Variants in SYN2 observed in about 807,000 individuals in gnomAD.
The protein encoded by SYN2 is synapsin II, also known as synapsin-2.
In SYN2, 19 loss-of-function variants were observed where a neutral mutation model predicts 50.9. The ratio of observed to expected loss-of-function variants is 0.37; its 90% CI spans 0.26 to 0.55. The LOEUF (loss-of-function observed/expected upper bound fraction) is 0.55. SYN2 is among the 20% of genes least tolerant of loss of function. The pLI, the probability that SYN2 is intolerant of heterozygous loss-of-function variation, is 0.81. For synonymous variants in SYN2, 255 were observed against 224.9 expected (o/e 1.13, Z -1.20); for missense variants, 587 against 576.4 (o/e 1.02, Z -0.19).
intron 1 of SYN2, among the ~76,000 whole-genome samples, chr3:12,061,452 T>C (rs1695111331): frequency 6.6e-6 from 1 of 152,128 alleles, no homozygotes; most frequent in South Asian, 2.1e-4. Context: ...TTGTACTTAA[T>C]GGTAAGAAAC....
intron 1 of SYN2, among the ~76,000 whole-genome samples, chr3:12,038,370 TG>T (rs1252647786): frequency 6.6e-6 from 1 of 152,244 alleles, no homozygotes; most frequent in South Asian, 2.1e-4. Context: ...CTAACTTTGT[TG>T]TTTTTTAAAA....
chr3:12,025,245 A>G (rs1049013372), intron 1 of SYN2, among the ~76,000 whole-genome samples: 6 of 152,130 alleles, frequency 3.9e-5, no homozygotes, highest in East Asian at 1.9e-4. Context: ...CGTCATCACA[A>G]TGGGGGATTA....
At chr3:12,039,284 G>T (rs1053460786) in intron 1 of SYN2, among the ~76,000 whole-genome samples, 5 of 151,936 alleles carry the variant, frequency 3.3e-5, no homozygotes, top group Non-Finnish European at 7.4e-5. Context: ...TTTATCTATT[G>T]CTAGGTTTGG....
At chr3:12,077,489 T>C (rs1348474290) in intron 1 of SYN2, among the ~76,000 whole-genome samples, 1 of 151,910 alleles carries the variant, frequency 6.6e-6, no homozygotes, top group Middle Eastern at 3.2e-3. Flanking sequence ...CAAATCCTGA[T>C]AGGCCCCAGT....
At chr3:12,175,359 C>T (rs138319103) in intron 10 of SYN2, among the ~76,000 whole-genome samples, 8 of 152,280 alleles carry the variant, frequency 5.3e-5, no homozygotes, top group Non-Finnish European at 1.0e-4. Context: ...GGATGTGAAC[C>T]GAGGAACATT....
chr3:12,087,924 A>G (rs1161439465), intron 1 of SYN2, among the ~76,000 whole-genome samples: 1 of 152,168 alleles, frequency 6.6e-6, no homozygotes. Flanking sequence ...ATATAAAAAA[A>G]AAACCCCTCA....
intron 3 of SYN2, among the ~76,000 whole-genome samples, chr3:12,144,040 G>A (rs927310999): frequency 6.6e-6 from 1 of 152,188 alleles, no homozygotes; most frequent in African/African-American, 2.4e-5. Flanking sequence ...AACCAAGTAG[G>A]TCATTGTATA....
intron 4 of SYN2, 90 bp from the exon 5 acceptor site, chr3:12,151,147 C>G (rs984073208): frequency 1.4e-5 from 13 of 917,368 alleles, no homozygotes; most frequent in Non-Finnish European, 2.1e-5. Flanking sequence ...CTCCACAGAG[C>G]AAATGCTCAA....
chr3:12,112,438 T>C (rs1696341741), intron 1 of SYN2, among the ~76,000 whole-genome samples: 1 of 152,184 alleles, frequency 6.6e-6, no homozygotes, highest in Admixed American at 6.5e-5. Flanking sequence ...CAAACCCAGC[T>C]TATAGCTGTG....
chr3:12,169,989 G>A, intron 10 of SYN2, 83 bp downstream of exon 10: 1 of 1,470,666 alleles, frequency 6.8e-7, no homozygotes, highest in East Asian at 2.5e-5. Context: ...AAAGAATGGA[G>A]TACAGGCCAG....
chr3:12,139,919 C>T (rs1365802311), intron 1 of SYN2, among the ~76,000 whole-genome samples: 2 of 152,112 alleles, frequency 1.3e-5, no homozygotes, highest in African/African-American at 4.8e-5. Flanking sequence ...GGATTAATTA[C>T]TTATTACAGG....
intron 1 of SYN2, among the ~76,000 whole-genome samples, chr3:12,086,453 C>T (rs9809310): frequency 0.01 from 1,549 of 152,076 alleles, 41 homozygotes; most frequent in African/African-American, 0.036. Flanking sequence ...TGAACATAGA[C>T]GCAAAAATCC....
intron 1 of SYN2, among the ~76,000 whole-genome samples, chr3:12,062,771 A>G (rs937722517): frequency 6.6e-6 from 1 of 152,080 alleles, no homozygotes; most frequent in African/African-American, 2.4e-5. Context: ...TGCCAAGACA[A>G]AAACCTGCAT....
chr3:12,064,305 G>C (rs1054933650), intron 1 of SYN2, among the ~76,000 whole-genome samples: 1 of 152,002 alleles, frequency 6.6e-6, no homozygotes, highest in Non-Finnish European at 1.5e-5. Flanking sequence ...GTGGTATCCT[G>C]TATGGGATCC....
rs1050888194 is a variant in SYN2 at position 12,058,057 on chromosome 3, A to G, written c.377+53129A>G. Among the ~76,000 whole-genome samples, 3 of 152,226 alleles carry G rather than the reference A, an allele frequency of 2.0e-5. No individual in the cohort carries two copies. In the East Asian group the frequency reaches 5.8e-4, roughly 29 times the overall value. On this transcript the variant is annotated intron_variant, in intron 1 of 12. Transcript: ENST00000621198. ...AACAAATGCACATACCTAGAATTTG[A>G]TCCCTGTCCTTTTCAAATGTCCATA...
intron 1 of SYN2, among the ~76,000 whole-genome samples, chr3:12,099,833 C>T (rs1461001401): frequency 5.3e-5 from 8 of 151,064 alleles, no homozygotes; most frequent in South Asian, 2.1e-4. Flanking sequence ...GGCGTAGTGG[C>T]GGGCGCCTGT....
At chr3:12,145,029 C>T (rs1432033553) in intron 3 of SYN2, among the ~76,000 whole-genome samples, 1 of 151,260 alleles carries the variant, frequency 6.6e-6, no homozygotes, top group East Asian at 1.9e-4. Flanking sequence ...AGACTTGTCT[C>T]AAAAAAACAA....
intron 1 of SYN2, among the ~76,000 whole-genome samples, chr3:12,128,184 A>T (rs1361612811): frequency 6.6e-6 from 1 of 152,082 alleles, no homozygotes; most frequent in Non-Finnish European, 1.5e-5. Flanking sequence ...GACTCAAGTA[A>T]TCCTCCCGCC....
intron 1 of SYN2, among the ~76,000 whole-genome samples, chr3:12,085,381 G>T (rs192209608): frequency 1.5e-5 from 2 of 132,962 alleles, no homozygotes; most frequent in African/African-American, 2.7e-5. Flanking sequence ...ACACACACAC[G>T]CACGCACGCA....
Sources: allele counts gnomAD v4.1 joint callset (sites outside exome capture counted in the v4.1 genomes callset), GRCh38; gene constraint gnomAD v4.1.1; transcripts MANE v1.5; gene names NCBI Gene and HGNC (gene_info 2026-07-23, HGNC 2026-07-21).